Variants in CFH observed in about 807,000 individuals in gnomAD.
CFH encodes complement factor H, also known as H factor 1 (complement).
A neutral mutation model predicts 147.3 loss-of-function variants in CFH; 53 were observed. The ratio of observed to expected loss-of-function variants is 0.36; its 90% CI spans 0.29 to 0.45. CFH has a LOEUF of 0.45. CFH is among the 20% of genes least tolerant of loss of function. The pLI, the probability that CFH is intolerant of heterozygous loss-of-function variation, is 1.00. For missense variants in CFH, 1,380 were observed against 1,498.0 expected (o/e 0.92, Z 1.30); for synonymous variants, 536 against 489.4 (o/e 1.10, Z -1.26).
At chr1:196,712,160 T>A (rs1668736963) in intron 9 of CFH, among the ~76,000 whole-genome samples, 1 of 152,138 alleles carries the variant, frequency 6.6e-6, no homozygotes, top group South Asian at 2.1e-4. Context: ...TGCTTTCCAA[T>A]GTCTGAAAAT....
chr1:196,726,758 T>C lies in CFH; in HGVS notation c.2057-3T>C. 3.1e-6 allele frequency: 5 copies of C among 1,613,714 alleles called. No individual in the cohort carries two copies. The highest frequency in any genetic ancestry group is 8.5e-7 in the Non-Finnish European group (1 of 1,179,704). ...ATAAACTTTTTTTGTAAAATTTACA[T>C]AGTGGAGGAGAGTACCTGTGGAGAT... is the stretch of plus-strand genomic sequence containing the variant. On this transcript the variant is annotated splice_polypyrimidine_tract_variant and splice_region_variant and intron_variant, in intron 13 of 21. Transcript: ENST00000367429.
At chr1:196,699,910 G>C (rs894942460) in intron 9 of CFH, among the ~76,000 whole-genome samples, 2 of 152,080 alleles carry the variant, frequency 1.3e-5, no homozygotes, top group African/African-American at 4.8e-5. Flanking sequence ...CCTTATAGCT[G>C]GTCACTGATT....
chr1:196,673,546 C>G (rs1036239681), intron 2 of CFH: 18 of 384,268 alleles, frequency 4.7e-5, no homozygotes, highest in Non-Finnish European at 8.3e-5. Context: ...CAATGCTGGG[C>G]AGGCTGGTCT....
intron 6 of CFH, among the ~76,000 whole-genome samples, chr1:196,682,852 G>A (rs1271097496): frequency 6.6e-6 from 1 of 151,542 alleles, no homozygotes; most frequent in Admixed American, 6.6e-5. Context: ...ATATTATCCT[G>A]TTAGCTATAG....
Position 196,740,778 on chromosome 1 carries a change from C to T in CFH, c.2942C>T (p.Pro981Leu), listed in dbSNP as rs756920362. 5.0e-6 allele frequency: 8 copies of T among 1,613,776 alleles called. No homozygotes were observed. The highest frequency in any genetic ancestry group is 5.9e-6 in the Non-Finnish European group (7 of 1,179,902). ...TGCTTAGGAGAAAAATGGTCTCACC[C>T]TCCATCATGCATAAGTATGGTGCAT... Reference protein sequence around the residue: ...AKCLGEKWSHPPSCIKTDCLS... With the variant: ...AKCLGEKWSHLPSCIKTDCLS... The change falls in exon 18 of 22, where the codon CCT becomes CTT. Residue 981 changes from proline to leucine, a missense_variant. Pro to Leu is a moderately conservative substitution (Grantham distance 98, BLOSUM62 -3). This residue lies in a region of CFH where 830 missense variants were observed against 821.4 expected (regional missense o/e 1.01). Coordinates refer to ENST00000367429, the MANE Select transcript of CFH (RefSeq NM_000186.4).
chr1:196,669,058 G>A (rs973456628), intron 1 of CFH, among the ~76,000 whole-genome samples: 1 of 152,154 alleles, frequency 6.6e-6, no homozygotes, highest in African/African-American at 2.4e-5. Context: ...CCAGGCTGAG[G>A]TGGTCTCAGA....
chr1:196,685,744 C>T (rs1667804490), intron 7 of CFH, among the ~76,000 whole-genome samples: 1 of 152,148 alleles, frequency 6.6e-6, no homozygotes, highest in Non-Finnish European at 1.5e-5. Flanking sequence ...ACATTACTGA[C>T]ACACATGGCT....
chr1:196,677,892 A>G (rs1254310539), intron 5 of CFH: 1 of 502,960 alleles, frequency 2.0e-6, no homozygotes, highest in Non-Finnish European at 3.6e-6. Flanking sequence ...TTATAATGGA[A>G]GAGACTGGTG....
intron 15 of CFH, among the ~76,000 whole-genome samples, chr1:196,730,041 A>G (rs577668761): frequency 1.3e-5 from 2 of 151,594 alleles, no homozygotes; most frequent in Non-Finnish European, 3.0e-5. Context: ...AACTATTTTC[A>G]TTGATATTTT....
intron 6 of CFH, among the ~76,000 whole-genome samples, chr1:196,680,512 A>G (rs1036975464): frequency 6.6e-6 from 1 of 151,922 alleles, no homozygotes; most frequent in Non-Finnish European, 1.5e-5. Context: ...TGGACTTTTA[A>G]GAAATTATGC....
chr1:196,717,965 G>A (rs1668911440), intron 11 of CFH, among the ~76,000 whole-genome samples: 1 of 152,098 alleles, frequency 6.6e-6, no homozygotes, highest in African/African-American at 2.4e-5. Context: ...TGAAGTATGA[G>A]ACATGGTCAT....
At chr1:196,700,461 C>A (rs1668416075) in intron 9 of CFH, among the ~76,000 whole-genome samples, 1 of 151,958 alleles carries the variant, frequency 6.6e-6, no homozygotes, top group Admixed American at 6.6e-5. Context: ...CGAGACCAGG[C>A]TGGCCAACAT....
At chr1:196,721,682 T>G (rs1388423586) in intron 11 of CFH, among the ~76,000 whole-genome samples, 1 of 152,034 alleles carries the variant, frequency 6.6e-6, no homozygotes, top group Admixed American at 6.6e-5. Flanking sequence ...CTCATTATAT[T>G]GCTGTTTATC....
chr1:196,746,216 C>T (rs1446313429), intron 21 of CFH, among the ~76,000 whole-genome samples: 3 of 151,580 alleles, frequency 2.0e-5, no homozygotes, highest in Non-Finnish European at 2.9e-5. Context: ...GAGGCTGAGG[C>T]GGGCAGATCA....
At chr1:196,711,216 T>A (rs1668716772) in intron 9 of CFH, among the ~76,000 whole-genome samples, 2 of 152,092 alleles carry the variant, frequency 1.3e-5, no homozygotes, top group South Asian at 2.1e-4. Context: ...TCTGCTTACT[T>A]TGAGATTAAT....
intron 1 of CFH, among the ~76,000 whole-genome samples, chr1:196,668,834 G>T (rs1667183424): frequency 6.6e-6 from 1 of 152,042 alleles, no homozygotes; most frequent in East Asian, 1.9e-4. Context: ...AGTGCAAAAT[G>T]GACTAATACA....
At chr1:196,665,256 T>G (rs959609556) in intron 1 of CFH, among the ~76,000 whole-genome samples, 82 of 151,600 alleles carry the variant, frequency 5.4e-4, no homozygotes, top group Middle Eastern at 3.4e-3. Flanking sequence ...TTCACAAATA[T>G]AATTTTTAAT....
In CFH at chr1:196,747,482, C is replaced by T; in HGVS notation, c.*169C>T. The T allele has an allele frequency of 1.1e-6, 1 of 885,624 alleles. No individual in the cohort carries two copies. The highest frequency in any genetic ancestry group is 1.7e-5 in the African/African-American group (1 of 58,650). 54.9% of individuals were successfully genotyped at this position (885,624 alleles called of 1,614,324 possible). ...CCGGTGGCTCTCTTCTTAAAAGCAC[C>T]ATATTAAATCCTGGAAAACTAACGG... On this transcript the variant is annotated 3_prime_UTR_variant, in exon 22 of 22. Coordinates refer to ENST00000367429, the MANE Select transcript of CFH (RefSeq NM_000186.4).
At chr1:196,691,044 T>C (rs1247386601) in intron 9 of CFH, among the ~76,000 whole-genome samples, 1 of 152,056 alleles carries the variant, frequency 6.6e-6, no homozygotes, top group Non-Finnish European at 1.5e-5. Context: ...GCTCCTCTTG[T>C]TAGAAAAGAA....
Sources: allele counts gnomAD v4.1 joint callset (sites outside exome capture counted in the v4.1 genomes callset), GRCh38; gene constraint gnomAD v4.1.1; regional missense constraint gnomAD v4.1.1; transcripts MANE v1.5; gene names NCBI Gene and HGNC (gene_info 2026-07-23, HGNC 2026-07-21).